The following RYR3 variants were observed in gnomAD, a reference collection of about 807,000 sequenced individuals.
RYR3 encodes the protein ryanodine receptor 3, also known as brain ryanodine receptor-calcium release channel.
In RYR3, 207 loss-of-function variants were observed where a neutral mutation model predicts 584.3. The ratio of observed to expected loss-of-function variants is 0.35; its 90% CI spans 0.32 to 0.40. The LOEUF (loss-of-function observed/expected upper bound fraction) is 0.40. Ranked by LOEUF, RYR3 falls within the 10% of genes least tolerant of loss-of-function variation. RYR3 has a pLI of 1.00. For synonymous variants in RYR3, 2,416 were observed against 2,248.5 expected, an observed-to-expected ratio of 1.07 and a Z score of -2.11; for missense variants, 5,616 against 6,089.2, an observed-to-expected ratio of 0.92 and a Z score of 2.59.
intron 1 of RYR3, among the ~76,000 whole-genome samples, chr15:33,394,434 G>T (rs560451222): frequency 1.3e-5 from 2 of 152,206 alleles, no homozygotes; most frequent in African/African-American, 4.8e-5. Flanking sequence ...TACATGTTAT[G>T]TTCCAACTTT....
At chr15:33,351,996 T>C (rs562279090) in intron 1 of RYR3, among the ~76,000 whole-genome samples, 1 of 152,180 alleles carries the variant, frequency 6.6e-6, no homozygotes, top group Non-Finnish European at 1.5e-5. Context: ...CATGATTGTA[T>C]ATCTAGAAAA....
At chr15:33,725,748 A>G (rs2068349698) in intron 45 of RYR3, among the ~76,000 whole-genome samples, 1 of 150,846 alleles carries the variant, frequency 6.6e-6, no homozygotes, top group South Asian at 2.1e-4. Context: ...TCACGAGGTC[A>G]GGAGATCGAG....
At chr15:33,659,876 C>T (rs1316400452) in intron 33 of RYR3, 70 bp downstream of exon 33, 1 of 1,092,312 alleles carries the variant, frequency 9.2e-7, no homozygotes, top group Admixed American at 1.9e-5. Context: ...GGGGAAAATC[C>T]CAGGCCTCAG....
At chr15:33,565,942 A>G (rs186511773) in intron 11 of RYR3, among the ~76,000 whole-genome samples, 40 of 152,336 alleles carry the variant, frequency 2.6e-4, no homozygotes, top group Admixed American at 2.5e-3. Flanking sequence ...TTGAGCACCT[A>G]TTAGATTCTA....
At chr15:33,377,015 A>C (rs1457242462) in intron 1 of RYR3, among the ~76,000 whole-genome samples, 1 of 152,334 alleles carries the variant, frequency 6.6e-6, no homozygotes, top group Middle Eastern at 3.4e-3. Context: ...TTTTGAAAGA[A>C]ATCTGGTAGA....
intron 27 of RYR3, among the ~76,000 whole-genome samples, chr15:33,638,867 C>A (rs1465904893): frequency 3.8e-5 from 2 of 53,056 alleles, no homozygotes; most frequent in Non-Finnish European, 1.0e-4. Flanking sequence ...GAAGGCTAGT[C>A]CTGACAGGGG....
At chr15:33,657,659 G>A (rs997575146) in intron 32 of RYR3, among the ~76,000 whole-genome samples, 2 of 152,190 alleles carry the variant, frequency 1.3e-5, no homozygotes, top group Non-Finnish European at 2.9e-5. Flanking sequence ...ATTATCTGTT[G>A]AAAGTCATTT....
At chr15:33,846,688 C>T (rs1875745100) in intron 93 of RYR3, among the ~76,000 whole-genome samples, 1 of 152,184 alleles carries the variant, frequency 6.6e-6, no homozygotes, top group Non-Finnish European at 1.5e-5. Flanking sequence ...ACACTAAGGA[C>T]TCTATTGCAA....
intron 1 of RYR3, among the ~76,000 whole-genome samples, chr15:33,371,535 T>A (rs1281438809): frequency 6.6e-6 from 1 of 152,180 alleles, no homozygotes; most frequent in Non-Finnish European, 1.5e-5. Context: ...TAGGTATGGA[T>A]GAATGTTTAG....
At position 33,722,843 on chromosome 15, in the gene RYR3, A is replaced by C. The variant is rs1279101217; in HGVS notation, c.6748A>C (p.Ile2250Leu). ...LLAAMQGAIKISENPALDLPS... is the reference protein window; with the variant it reads ...LLAAMQGAIKLSENPALDLPS... ...GGCAGCCATGCAGGGTGCCATTAAG[A>C]TCTCTGAGAACCCAGCGCTCGACCT... The change falls in exon 44 of 104, where the codon ATC (isoleucine) becomes CTC (leucine). Residue 2250 changes from isoleucine to leucine, a missense_variant. Ile to Leu is a conservative substitution (Grantham distance 5, BLOSUM62 2). This residue lies in a region of RYR3 where 1,280 missense variants were observed against 1,426.2 expected (regional missense o/e 0.90). Transcript: ENST00000634891. The C allele has an allele frequency of 3.1e-6, 5 of 1,609,288 alleles. No homozygotes were observed. In the African/African-American group the frequency reaches 6.7e-5, roughly 22 times the overall value.
chr15:33,651,617 A>G (rs1205299097), intron 31 of RYR3, among the ~76,000 whole-genome samples: 2 of 152,192 alleles, frequency 1.3e-5, no homozygotes, highest in African/African-American at 4.8e-5. Context: ...AGCAACTCTC[A>G]GAGTTTACAG....
chr15:33,695,386 G>T (rs1402779217), intron 38 of RYR3, among the ~76,000 whole-genome samples: 1 of 152,172 alleles, frequency 6.6e-6, no homozygotes, highest in African/African-American at 2.4e-5. Context: ...GCTGTTTTGA[G>T]TCCCAGTTCA....
chr15:33,464,489 T>TATATATATACACAC (rs1450450145), intron 1 of RYR3, among the ~76,000 whole-genome samples: 35 of 67,448 alleles, frequency 5.2e-4, no homozygotes, highest in African/African-American at 2.9e-3. Flanking sequence ...TATATATATA[T>TATATATATACACAC]ACACATATAT....
chr15:33,851,901 A>C (rs1406279924), intron 94 of RYR3: 1 of 152,216 alleles, frequency 6.6e-6, no homozygotes, highest in African/African-American at 2.4e-5. Context: ...TGTTATTTTC[A>C]TCCCCCAGAG....
rs747085037 is a variant in RYR3, at chr15:33,628,520, A to G, written c.2624A>G (p.Asn875Ser). The G allele has an allele frequency of 2.5e-6, 4 of 1,613,754 alleles. No individual in the cohort carries two copies. Among genetic ancestry groups the G allele is most frequent in the Non-Finnish European group, 3.4e-6 (4 of 1,179,788 alleles). Residue 875 changes from asparagine (N) to serine (S), a missense_variant, in exon 21 of 104, where the codon AAC becomes AGC. By Grantham distance (46) the Asn-to-Ser change is conservative. Coordinates refer to ENST00000634891, the MANE Select transcript of RYR3 (RefSeq NM_001036.6). ...LEKIRDRLAE[N>S]IHELWGMNKI... ...AAGATCCGAGACAGACTAGCTGAAA[A>G]CATCCATGAGCTTTGGGGAATGAAT...
At chr15:33,479,401 T>C (rs565266862) in intron 2 of RYR3, among the ~76,000 whole-genome samples, 65 of 147,162 alleles carry the variant, frequency 4.4e-4, no homozygotes, top group African/African-American at 1.5e-3. Context: ...TGAGATCTTA[T>C]GAAAGACCAG....
chr15:33,676,689 G>A (rs1034139637), intron 38 of RYR3, among the ~76,000 whole-genome samples: 2 of 152,136 alleles, frequency 1.3e-5, no homozygotes, highest in African/African-American at 4.8e-5. Flanking sequence ...CACCCTGCAT[G>A]GCAAACAAAA....
chr15:33,690,115 T>TTA (rs2065308508), intron 38 of RYR3, among the ~76,000 whole-genome samples: 1 of 152,194 alleles, frequency 6.6e-6, no homozygotes, highest in South Asian at 2.1e-4. Flanking sequence ...GTTTCCAGTA[T>TTA]TAATAAGAGC....
chr15:33,579,534 ATGTG>A (rs1290599192), intron 12 of RYR3, among the ~76,000 whole-genome samples: 1 of 152,166 alleles, frequency 6.6e-6, no homozygotes, highest in Admixed American at 6.5e-5. Flanking sequence ...TTAAAAAAAA[ATGTG>A]TGACAGACAA....
Sources: allele counts gnomAD v4.1 joint callset (sites outside exome capture counted in the v4.1 genomes callset), GRCh38; gene constraint gnomAD v4.1.1; regional missense constraint gnomAD v4.1.1; transcripts MANE v1.5; gene names NCBI Gene and HGNC (gene_info 2026-07-23, HGNC 2026-07-21).